Variants in NT5E observed in about 807,000 individuals in gnomAD.
The protein encoded by NT5E is 5'-nucleotidase ecto.
In NT5E, 53 loss-of-function variants were observed where a neutral mutation model predicts 55.1. The ratio of observed to expected loss-of-function variants is 0.96; its 90% CI spans 0.77 to 1.21. The LOEUF (loss-of-function observed/expected upper bound fraction) is 1.21, where lower values mean the gene tolerates loss of function less well. Among genes scored for constraint, NT5E ranks in the 50% most tolerant of loss-of-function variants. The pLI, the probability that NT5E is intolerant of heterozygous loss-of-function variation, is 0.00. For missense variants in NT5E, 683 were observed against 724.3 expected, an observed-to-expected ratio of 0.94 and a Z score of 0.65; for synonymous variants, 270 against 278.4, an observed-to-expected ratio of 0.97 and a Z score of 0.30.
intron 3 of NT5E, among the ~76,000 whole-genome samples, chr6:85,481,343 A>T (rs1405783484): frequency 2.6e-5 from 4 of 152,208 alleles, no homozygotes; most frequent in Non-Finnish European, 5.9e-5. Context: ...GTATAAAAGG[A>T]GGACTTGGCC....
chr6:85,471,443 A>T lies in NT5E; in HGVS notation c.751+18A>T. ...TTACACAGGTAATTGTTTCAAAAGG[A>T]TTGCATGGGCCAGGATGTCCAGATA... On this transcript the variant is annotated intron_variant, in intron 3 of 8. Transcript: ENST00000257770. 6.2e-7 allele frequency: 1 copy of T among 1,609,430 alleles called. No individual in the cohort carries two copies. The highest frequency in any genetic ancestry group is 8.5e-7 in the Non-Finnish European group (1 of 1,176,786).
chr6:85,478,540 C>T (rs907292586), intron 3 of NT5E, among the ~76,000 whole-genome samples: 2 of 152,140 alleles, frequency 1.3e-5, no homozygotes, highest in African/African-American at 2.4e-5. Context: ...AACTGGTTTC[C>T]TCTCAGGCTT....
At chr6:85,491,274 T>G in intron 7 of NT5E, 1 of 357,832 alleles carries the variant, frequency 2.8e-6, no homozygotes, top group Non-Finnish European at 5.5e-6. Context: ...TGTTAATAAT[T>G]CCACAGTCCA....
chr6:85,456,550 G>A (rs955593536), intron 1 of NT5E, among the ~76,000 whole-genome samples: 8 of 152,210 alleles, frequency 5.3e-5, no homozygotes, highest in African/African-American at 1.9e-4. Context: ...CCAAGTTGGT[G>A]TCCACACAGA....
intron 7 of NT5E, chr6:85,491,205 A>G: frequency 7.2e-6 from 3 of 419,114 alleles, no homozygotes; most frequent in Non-Finnish European, 1.4e-5. Flanking sequence ...CATGGACTGC[A>G]GTGAAAGTTG....
intron 3 of NT5E, among the ~76,000 whole-genome samples, chr6:85,480,796 A>T (rs1769532171): frequency 6.6e-6 from 1 of 151,812 alleles, no homozygotes; most frequent in Non-Finnish European, 1.5e-5. Context: ...AAACAAACAA[A>T]CTATTGATTT....
rs1271149488 is a variant in NT5E, at chr6:85,493,865, C to A, written c.1586C>A (p.Ser529Tyr). 3 of 1,613,810 alleles carry A rather than the reference C, an allele frequency of 1.9e-6. No individual in the cohort carries two copies. In the African/African-American group the frequency reaches 4.0e-5, roughly 22 times the overall value. The change falls in exon 9 of 9, where the codon TCT becomes TAT. Residue 529 changes from serine to tyrosine, a missense_variant. Coordinates refer to ENST00000257770, the MANE Select transcript of NT5E (RefSeq NM_002526.4). ...DSGDQDINVV[S>Y]TYISKMKVIY... ...GGTGACCAAGATATCAACGTGGTTT[C>A]TACATATATCTCCAAAATGAAAGTA...
At position 85,494,913 on chromosome 6, in the gene NT5E, T is replaced by C. The variant is rs188358257; in HGVS notation, c.*909T>C. Reference sequence around the variant, plus strand: ...ATGTTAAACAGATACTTGTTAAGCATAGTGCCTGACACACGGCATTAGCTG... The same window carrying C: ...ATGTTAAACAGATACTTGTTAAGCACAGTGCCTGACACACGGCATTAGCTG... On this transcript the variant is annotated 3_prime_UTR_variant, in exon 9 of 9. Transcript: ENST00000257770. 35 of 151,764 alleles carry C rather than the reference T, an allele frequency of 2.3e-4. 1 individual carries two copies. The East Asian group carries it at 6.2e-3, about 27-fold the overall frequency. The allele number at this position is 151,764 out of a possible 1,614,324, so 9.4% of individuals were successfully genotyped here. A position where few individuals can be genotyped will look rare whatever the true frequency, so the allele number is the denominator to read the frequency against.
At chr6:85,483,300 C>A (rs77392840) in intron 3 of NT5E, among the ~76,000 whole-genome samples, 1,745 of 152,340 alleles carry the variant, frequency 0.011, 40 homozygotes, top group African/African-American at 0.04. Context: ...AACTGCACCG[C>A]CCCAGCATCT....
Position 85,450,499 on chromosome 6 carries a change from C to G in NT5E, c.339+21C>G. ...CCATGGTAAGACCCGAGCCCGCGCC[C>G]GGGATAGTAGTCCCGGACTGAGAGA... is the stretch of plus-strand genomic sequence containing the variant. On this transcript the variant is annotated intron_variant, in intron 1 of 8. Transcript: ENST00000257770. The surrounding 1 kb of genome is among the most constrained non-coding windows in gnomAD (Gnocchi z 4.0). 6.4e-7 allele frequency: 1 copy of G among 1,565,568 alleles called. No homozygotes were observed. Among genetic ancestry groups the G allele is most frequent in the Non-Finnish European group, 8.7e-7 (1 of 1,154,216 alleles).
chr6:85,476,470 A>C (rs1769438925), intron 3 of NT5E, among the ~76,000 whole-genome samples: 1 of 152,178 alleles, frequency 6.6e-6, no homozygotes, highest in South Asian at 2.1e-4. Context: ...CCGCAGCAGC[A>C]TCTAGGTGAG....
At chr6:85,465,327 C>T (rs949655714) in intron 1 of NT5E, among the ~76,000 whole-genome samples, 3 of 152,134 alleles carry the variant, frequency 2.0e-5, no homozygotes, top group African/African-American at 7.2e-5. Flanking sequence ...GTTGGATAGT[C>T]TTTCTTGAAG....
Position 85,494,086 on chromosome 6 carries a change from G to T in NT5E, c.*82G>T. 7.3e-7 allele frequency: 1 copy of T among 1,369,614 alleles called. No individual in the cohort carries two copies. Among genetic ancestry groups the T allele is most frequent in the South Asian group, 1.2e-5 (1 of 84,232 alleles). 84.8% of individuals were successfully genotyped at this position (1,369,614 alleles called of 1,614,324 possible). On this transcript the variant is annotated 3_prime_UTR_variant, in exon 9 of 9. Transcript: ENST00000257770. ...AATCTGCCTTTTAGGACCTGGCTTTGTGACAGCAAAAACCATCTTTACAGG... is the reference window on the plus strand; with the variant it reads ...AATCTGCCTTTTAGGACCTGGCTTTTTGACAGCAAAAACCATCTTTACAGG...
intron 2 of NT5E, among the ~76,000 whole-genome samples, chr6:85,469,883 T>C (rs534995272): frequency 1.7e-4 from 26 of 152,332 alleles, no homozygotes; most frequent in South Asian, 1.0e-3. Flanking sequence ...ATGTTAAGGA[T>C]TCAGGAGTTC....
chr6:85,460,481 T>A (rs562434457), intron 1 of NT5E, among the ~76,000 whole-genome samples: 1 of 152,234 alleles, frequency 6.6e-6, no homozygotes, highest in Non-Finnish European at 1.5e-5. Flanking sequence ...TAACAAATGG[T>A]AGAGGTAATA....
At position 85,450,550 on chromosome 6, in the gene NT5E, TG is replaced by T. The variant is rs1768834760; in HGVS notation, c.339+74del. ...GGAGCCGGGCTGGAAAAGCAGCGGA[TG>T]GCAGAGTGTGGCAAGCCTAGGTCCA... On this transcript the variant is annotated intron_variant, in intron 1 of 8. Coordinates refer to ENST00000257770, the MANE Select transcript of NT5E (RefSeq NM_002526.4). This position sits in a 1 kb window ranked among gnomAD's most constrained non-coding sequence, Gnocchi z 4.0. The T allele has an allele frequency of 1.2e-5, 17 of 1,371,336 alleles. No individual in the cohort carries two copies. In the South Asian group the frequency reaches 1.7e-4, roughly 14 times the overall value. The allele number at this position is 1,371,336 out of a possible 1,614,324, so 84.9% of individuals were successfully genotyped here.
intron 2 of NT5E, among the ~76,000 whole-genome samples, chr6:85,468,968 A>C (rs1463572758): frequency 6.6e-6 from 1 of 152,160 alleles, no homozygotes; most frequent in Non-Finnish European, 1.5e-5. Flanking sequence ...GGGGTGGAAT[A>C]GAATGTTTCC....
intron 1 of NT5E, among the ~76,000 whole-genome samples, chr6:85,451,522 AC>A (rs924796532): frequency 1.3e-5 from 2 of 152,126 alleles, no homozygotes; most frequent in Non-Finnish European, 2.9e-5. Context: ...AAAAAATAAA[AC>A]CACCACCCAA....
At chr6:85,487,870 C>T (rs1222443778) in intron 5 of NT5E, among the ~76,000 whole-genome samples, 2 of 152,236 alleles carry the variant, frequency 1.3e-5, no homozygotes, top group East Asian at 3.8e-4. Flanking sequence ...CACCAACATA[C>T]TGCTTTACAA....
Sources: gnomAD v4.1 joint callset for allele counts (sites outside exome capture counted in the v4.1 genomes callset) on GRCh38, gnomAD v4.1.1 for gene constraint, Gnocchi (gnomAD v3.1) non-coding constraint, MANE v1.5 for transcripts, NCBI Gene and HGNC (gene_info 2026-07-23, HGNC 2026-07-21) for gene names.